RPTOR: variants seen among roughly 807,000 people sequenced by gnomAD.
RPTOR encodes the protein regulatory-associated protein of mTOR.
Under a neutral mutation model 169.9 loss-of-function variants are expected in RPTOR, and 21 were observed. The observed-to-expected ratio is 0.12, with a 90% confidence interval of 0.09 to 0.18. RPTOR has a LOEUF of 0.18. RPTOR is among the 10% of genes least tolerant of loss of function. RPTOR has a pLI of 1.00. For missense variants in RPTOR, 1,133 were observed against 1,855.9 expected (o/e 0.61, Z 7.16); for synonymous variants, 732 against 753.2 (o/e 0.97, Z 0.46).
intron 5 of RPTOR, among the ~76,000 whole-genome samples, chr17:80,745,425 T>C (rs373710766): frequency 6.6e-6 from 1 of 152,206 alleles, no homozygotes; most frequent in African/African-American, 2.4e-5. Context: ...TCTCTCAGCC[T>C]GGATGTGATA....
intron 4 of RPTOR, among the ~76,000 whole-genome samples, chr17:80,725,529 A>G (rs1393259423): frequency 5.3e-5 from 8 of 152,156 alleles, no homozygotes; most frequent in African/African-American, 1.7e-4. Flanking sequence ...GGGCTTTTCA[A>G]TTCTGGGCTG....
Position 80,633,287 on chromosome 17 carries a change from C to T in RPTOR, c.265+7494C>T, listed in dbSNP as rs181915255. On this transcript the variant is annotated intron_variant, in intron 2 of 33. Transcript: ENST00000306801. The surrounding 1 kb of genome is among the most constrained non-coding windows in gnomAD (Gnocchi z 4.1). Reference sequence around the variant, plus strand: ...GCAGTCACCAAAATCAAGGAGCATTCGCGTGGACGTGTGACTGCCACGTAA... The same window carrying T: ...GCAGTCACCAAAATCAAGGAGCATTTGCGTGGACGTGTGACTGCCACGTAA... Among the ~76,000 whole-genome samples the T allele has an allele frequency of 9.1e-4, 139 of 152,294 alleles. No individual in the cohort carries two copies. Among genetic ancestry groups the T allele is most frequent in the African/African-American group, 3.1e-3 (129 of 41,548 alleles).
At chr17:80,763,232 T>TA (rs2066752814) in intron 6 of RPTOR, among the ~76,000 whole-genome samples, 1 of 151,712 alleles carries the variant, frequency 6.6e-6, no homozygotes, top group African/African-American at 2.4e-5. Context: ...GGTGACAGGG[T>TA]AAGACCCAGT....
chr17:80,891,935 C>T, intron 18 of RPTOR, 98 bp downstream of exon 18: 1 of 717,736 alleles, frequency 1.4e-6, no homozygotes, highest in Non-Finnish European at 2.3e-6. Context: ...AGTCTAAGCG[C>T]AGGTTTCTCA....
intron 7 of RPTOR, among the ~76,000 whole-genome samples, chr17:80,816,674 G>T (rs2067326521): frequency 6.6e-6 from 1 of 152,206 alleles, no homozygotes; most frequent in South Asian, 2.1e-4. Flanking sequence ...AGAAAGGCAA[G>T]GCTGGCCAGC....
In RPTOR at chr17:80,861,818, G is replaced by T. The variant is rs2067919899; in HGVS notation, c.1509+3918G>T. On this transcript the variant is annotated intron_variant, in intron 13 of 33. Transcript: ENST00000306801. The surrounding 1 kb of genome is among the most constrained non-coding windows in gnomAD (Gnocchi z 4.5). Reference sequence around the variant, plus strand: ...TAGTACCTTTTAGGACCTGGAAATTGATGATGTCTTTATTTTTAGTCTCAG... The same window carrying T: ...TAGTACCTTTTAGGACCTGGAAATTTATGATGTCTTTATTTTTAGTCTCAG... Among the ~76,000 whole-genome samples, 1 of 152,178 alleles carries T rather than the reference G, an allele frequency of 6.6e-6. No homozygotes were observed. Among genetic ancestry groups the T allele is most frequent in the Non-Finnish European group, 1.5e-5 (1 of 68,028 alleles).
chr17:80,758,494 T>A (rs2066702858), intron 6 of RPTOR, among the ~76,000 whole-genome samples: 1 of 152,178 alleles, frequency 6.6e-6, no homozygotes, highest in Non-Finnish European at 1.5e-5. Context: ...AACCGTGTTT[T>A]AGAAAGAGGA....
intron 7 of RPTOR, among the ~76,000 whole-genome samples, chr17:80,793,829 C>T (rs1203490701): frequency 2.0e-5 from 3 of 152,242 alleles, no homozygotes; most frequent in Non-Finnish European, 2.9e-5. Context: ...AGTCAAACTA[C>T]CTTATTTTAC....
At chr17:80,592,121 C>CCACT (rs2065112328) in intron 1 of RPTOR, among the ~76,000 whole-genome samples, 1 of 152,184 alleles carries the variant, frequency 6.6e-6, no homozygotes, top group African/African-American at 2.4e-5. Context: ...TTATTTGTCT[C>CCACT]TCTCATTTGA....
chr17:80,629,632 T>C (rs971382418), intron 2 of RPTOR, among the ~76,000 whole-genome samples: 1 of 151,636 alleles, frequency 6.6e-6, no homozygotes, highest in African/African-American at 2.4e-5. Flanking sequence ...TGTTGGACAT[T>C]GTACCGCAGC....
chr17:80,955,198 G>A (rs940174747), intron 28 of RPTOR, among the ~76,000 whole-genome samples: 1 of 152,232 alleles, frequency 6.6e-6, no homozygotes, highest in Non-Finnish European at 1.5e-5. Flanking sequence ...ACCAGCCAAG[G>A]CAATATTGAA....
intron 1 of RPTOR, among the ~76,000 whole-genome samples, chr17:80,547,196 A>G (rs1305075856): frequency 2.0e-5 from 3 of 152,242 alleles, no homozygotes; most frequent in Non-Finnish European, 4.4e-5. Context: ...CATTTTAAGG[A>G]GTTAAATAAG....
At chr17:80,736,275 G>A (rs1256966338) in intron 5 of RPTOR, among the ~76,000 whole-genome samples, 3 of 152,038 alleles carry the variant, frequency 2.0e-5, no homozygotes, top group East Asian at 1.9e-4. Flanking sequence ...CGAGTAACTC[G>A]TGTTTGTGTG....
chr17:80,624,923 C>T (rs566240409), intron 1 of RPTOR, among the ~76,000 whole-genome samples: 1 of 152,304 alleles, frequency 6.6e-6, no homozygotes, highest in East Asian at 1.9e-4. Context: ...GGTGTGATCG[C>T]AGCGTTCCCC....
At chr17:80,881,998 G>T (rs2068191277) in intron 14 of RPTOR, among the ~76,000 whole-genome samples, 2 of 152,150 alleles carry the variant, frequency 1.3e-5, no homozygotes, top group Non-Finnish European at 2.9e-5. Flanking sequence ...AAACTCATAA[G>T]CAGATCTGAA....
Position 80,961,849 on chromosome 17 carries a change from C to T in RPTOR, c.3692+369C>T, listed in dbSNP as rs369433882. On this transcript the variant is annotated intron_variant, in intron 31 of 33. Transcript: ENST00000306801. ...TCTGCACATAAATTCAGTTCTGCCT[C>T]TTGGTAAATACAGCACCAAGAGCAG... The T allele has an allele frequency of 6.0e-4, 147 of 245,838 alleles. 2 individuals are homozygous for T. The South Asian group carries it at 0.01, about 17-fold the overall frequency. The allele number at this position is 245,838 out of a possible 1,614,324, so 15.2% of individuals were successfully genotyped here.
intron 5 of RPTOR, among the ~76,000 whole-genome samples, chr17:80,741,773 G>A (rs1343433359): frequency 6.6e-6 from 1 of 152,208 alleles, no homozygotes; most frequent in African/African-American, 2.4e-5. Flanking sequence ...GCCACGGGAT[G>A]GTGACGAGCC....
intron 6 of RPTOR, among the ~76,000 whole-genome samples, chr17:80,762,757 T>A (rs1351836617): frequency 6.6e-6 from 1 of 151,782 alleles, no homozygotes; most frequent in Non-Finnish European, 1.5e-5. Context: ...TTTGAGGAGT[T>A]CCCACCAAAG....
In RPTOR at chr17:80,562,143, G is replaced by A. The variant is rs533962601; in HGVS notation, c.162+16352G>A. Among the ~76,000 whole-genome samples the A allele has an allele frequency of 3.3e-5, 5 of 152,108 alleles. No individual in the cohort carries two copies. The highest frequency in any genetic ancestry group is 7.4e-5 in the Non-Finnish European group (5 of 68,016). On this transcript the variant is annotated intron_variant, in intron 1 of 33. Transcript: ENST00000306801. The surrounding 1 kb of genome is among the most constrained non-coding windows in gnomAD (Gnocchi z 4.4). Reference sequence around the variant, plus strand: ...CCGGCAGCCCCAAGAGCCCCTGGAAGCAGAATTGCGACCCTTGGTGACTGC... The same window carrying A: ...CCGGCAGCCCCAAGAGCCCCTGGAAACAGAATTGCGACCCTTGGTGACTGC...
Sources: gnomAD v4.1 joint callset for allele counts (sites outside exome capture counted in the v4.1 genomes callset) on GRCh38, gnomAD v4.1.1 for gene constraint, Gnocchi (gnomAD v3.1) non-coding constraint, MANE v1.5 for transcripts, NCBI Gene and HGNC (gene_info 2026-07-23, HGNC 2026-07-21) for gene names.